The following ZNF346 variants were observed in gnomAD, a reference collection of about 807,000 sequenced individuals.
The protein encoded by ZNF346 is zinc finger protein 346, also known as double-stranded RNA-binding zinc finger protein JAZ.
Under a neutral mutation model 33.7 loss-of-function variants are expected in ZNF346, and 23 were observed. The observed-to-expected ratio is 0.68, with a 90% CI of 0.49 to 0.97. ZNF346 has a LOEUF of 0.97. ZNF346 is among the 50% of genes least tolerant of loss of function. The pLI is 0.00. For missense variants in ZNF346, 340 were observed against 371.1 expected (o/e 0.92, Z 0.69); for synonymous variants, 134 against 142.4 (o/e 0.94, Z 0.42).
chr5:177,076,855 A>G (rs1783774154), intron 8 of ZNF346, among the ~76,000 whole-genome samples: 1 of 152,178 alleles, frequency 6.6e-6, no homozygotes, highest in Non-Finnish European at 1.5e-5. Context: ...ATCCTGGCCA[A>G]TATGGTGAAA....
intron 1 of ZNF346, among the ~76,000 whole-genome samples, chr5:177,028,479 T>G (rs1777143572): frequency 7.4e-6 from 1 of 135,718 alleles, no homozygotes; most frequent in African/African-American, 2.8e-5. Context: ...ATTTCTCTCT[T>G]AAGCACTTGT....
chr5:177,051,936 G>C (rs545925872), intron 5 of ZNF346: 1 of 152,288 alleles, frequency 6.6e-6, no homozygotes, highest in South Asian at 2.1e-4. Flanking sequence ...TGCCAAGGTA[G>C]GAGGATCACT....
At chr5:177,061,323 T>C (rs1782522806) in intron 5 of ZNF346, among the ~76,000 whole-genome samples, 1 of 151,754 alleles carries the variant, frequency 6.6e-6, no homozygotes, top group Non-Finnish European at 1.5e-5. Flanking sequence ...CACATGCCTG[T>C]AGTTCCAGCT....
intron 6 of ZNF346, 105 bp downstream of exon 6, chr5:177,062,256 C>CT: frequency 1.1e-6 from 1 of 871,180 alleles, no homozygotes; most frequent in Non-Finnish European, 1.9e-6. Flanking sequence ...TCCTGGCAGT[C>CT]TTTTTTCAGT....
In ZNF346 at chr5:177,066,923, C is replaced by G. The variant is rs6893307; in HGVS notation, c.*2324C>G. 0.13 allele frequency among the ~76,000 whole-genome samples: 19,643 copies of G among 152,008 alleles called. 2,956 individuals are homozygous for G. Among genetic ancestry groups the G allele is most frequent in the African/African-American group, 0.37 (15,150 of 41,386 alleles). ...TAAAAAATACGAAAATCAGCTGCGC[C>G]TGGTGGCACACATCTGTAGTCCCAG... On this transcript the variant is annotated 3_prime_UTR_variant, in exon 7 of 7. Transcript: ENST00000358149.
intron 1 of ZNF346, among the ~76,000 whole-genome samples, chr5:177,040,435 C>T (rs993127497): frequency 6.6e-6 from 1 of 152,252 alleles, no homozygotes; most frequent in East Asian, 1.9e-4. Flanking sequence ...ACCTCTGCCT[C>T]CTGGGTTCAA....
At chr5:177,044,625 C>A in intron 4 of ZNF346, 92 bp downstream of exon 4, 1 of 1,387,904 alleles carries the variant, frequency 7.2e-7, no homozygotes, top group Non-Finnish European at 1.0e-6. Flanking sequence ...ACTGAGGCCA[C>A]AGACTTGAAG....
intron 5 of ZNF346, among the ~76,000 whole-genome samples, chr5:177,061,764 A>G (rs1782582883): frequency 6.6e-6 from 1 of 152,226 alleles, no homozygotes. Flanking sequence ...ATACAGACCA[A>G]ATGTCACCTC....
chr5:177,075,615 C>G (rs897998749), intron 8 of ZNF346, among the ~76,000 whole-genome samples: 2 of 152,164 alleles, frequency 1.3e-5, no homozygotes, highest in African/African-American at 4.8e-5. Context: ...CTCCTGGGCT[C>G]AAACAGTCCT....
intron 3 of ZNF346, among the ~76,000 whole-genome samples, chr5:177,043,445 C>T (rs1391373908): frequency 6.6e-6 from 1 of 152,054 alleles, no homozygotes; most frequent in African/African-American, 2.4e-5. Context: ...TACATGGTTT[C>T]CTAGCCTAAT....
At chr5:177,061,965 G>A (rs1318887100) in intron 5 of ZNF346, 93 bp from the exon 6 acceptor site, 12 of 1,114,766 alleles carry the variant, frequency 1.1e-5, no homozygotes, top group South Asian at 2.7e-5. Context: ...TCACCTGTCC[G>A]TCCTTAGAAG....
Position 177,050,763 on chromosome 5 carries a change from A to G in ZNF346, c.530A>G (p.Asn177Ser). Residue 177 changes from asparagine to serine, a missense_variant, in exon 5 of 7, where the codon AAT (asparagine) becomes AGT (serine). Transcript: ENST00000358149. The part of the protein sequence containing the change: ...QSTKVEALHQ[N>S]REMIDPDKFC... ...GCCTCCACCTTAGCCTTGCACCAGA[A>G]TAGAGAGATGATAGACCCAGACAAG... 1 of 1,614,182 alleles carries G rather than the reference A, an allele frequency of 6.2e-7. No individual in the cohort carries two copies. The highest frequency in any genetic ancestry group is 8.5e-7 in the Non-Finnish European group (1 of 1,180,014).
exon 9 of ZNF346, chr5:177,080,660 T>G (rs1032626337): frequency 1.3e-5 from 2 of 152,066 alleles, no homozygotes; most frequent in Non-Finnish European, 2.9e-5. Flanking sequence ...ATACAAAAAT[T>G]AGCTGGGCGT....
chr5:177,032,652 C>G (rs1428817309), intron 1 of ZNF346, among the ~76,000 whole-genome samples: 1 of 152,162 alleles, frequency 6.6e-6, no homozygotes, highest in African/African-American at 2.4e-5. Context: ...CTCAGGTGAT[C>G]CGCCCGCCTC....
chr5:177,046,639 A>G (rs1039478282), intron 4 of ZNF346, among the ~76,000 whole-genome samples: 21 of 152,256 alleles, frequency 1.4e-4, no homozygotes, highest in African/African-American at 3.6e-4. Context: ...ATAAATGGAA[A>G]GAAAAGTTAC....
downstream of ZNF346, among the ~76,000 whole-genome samples, chr5:177,071,818 C>T (rs954564402): frequency 6.6e-6 from 1 of 152,164 alleles, no homozygotes; most frequent in Non-Finnish European, 1.5e-5. Flanking sequence ...AGGAAGAACA[C>T]TTTCTCCCTC....
chr5:177,079,628 AT>A (rs1214464280), exon 9 of ZNF346: 3 of 152,186 alleles, frequency 2.0e-5, no homozygotes, highest in African/African-American at 7.2e-5. Flanking sequence ...ACACTGTTTC[AT>A]TTAGGCCCTG....
intron 4 of ZNF346, among the ~76,000 whole-genome samples, chr5:177,045,360 A>AT (rs769826999): frequency 0.012 from 1,820 of 147,068 alleles, 10 homozygotes; most frequent in South Asian, 0.025. Context: ...ATCACTCATA[A>AT]TTTTTTTTTT....
chr5:177,049,333 T>G (rs143529269), intron 4 of ZNF346, among the ~76,000 whole-genome samples: 293 of 152,272 alleles, frequency 1.9e-3, no homozygotes, highest in African/African-American at 6.9e-3. Flanking sequence ...CTGAGACATA[T>G]CATCTGTGAG....
Sources: allele counts gnomAD v4.1 joint callset (sites outside exome capture counted in the v4.1 genomes callset), GRCh38; gene constraint gnomAD v4.1.1; transcripts MANE v1.5; gene names NCBI Gene and HGNC (gene_info 2026-07-23, HGNC 2026-07-21).